FGD4: variants seen among roughly 807,000 people sequenced by gnomAD.
FGD4 encodes FYVE, RhoGEF and PH domain-containing protein 4.
Under a neutral mutation model 102.0 loss-of-function variants are expected in FGD4, and 42 were observed. The ratio of observed to expected loss-of-function variants is 0.41; its 90% CI spans 0.32 to 0.53. FGD4 has a LOEUF of 0.53. Among genes scored for constraint, FGD4 ranks in the 20% least tolerant of loss-of-function variants. FGD4 has a pLI of 0.21. For synonymous variants in FGD4, 380 were observed against 375.7 expected (o/e 1.01, Z -0.13); for missense variants, 902 against 1,078.2 (o/e 0.84, Z 2.29).
intron 1 of FGD4, among the ~76,000 whole-genome samples, chr12:32,439,339 C>T (rs1052941332): frequency 2.0e-5 from 3 of 152,148 alleles, no homozygotes; most frequent in African/African-American, 7.2e-5. Flanking sequence ...TGTATCTATG[C>T]CACATTTTCT....
intron 11 of FGD4, 57 bp from the exon 12 acceptor site, chr12:32,624,365 C>A: frequency 7.5e-7 from 1 of 1,332,734 alleles, no homozygotes; most frequent in Non-Finnish European, 1.1e-6. Context: ...TAGTTTTATT[C>A]ACCCAGTGTG....
intron 10 of FGD4, 85 bp from the exon 11 acceptor site, chr12:32,619,613 C>T: frequency 6.8e-7 from 1 of 1,469,832 alleles, no homozygotes; most frequent in Non-Finnish European, 9.5e-7. Context: ...GCCTGGGCAA[C>T]AGAGTGAGAC....
intron 10 of FGD4, among the ~76,000 whole-genome samples, chr12:32,612,029 G>A (rs1400221329): frequency 2.0e-5 from 3 of 152,240 alleles, no homozygotes; most frequent in South Asian, 4.1e-4. Flanking sequence ...GTTGCAAACC[G>A]GCAGGGTGTG....
Position 32,564,200 on chromosome 12 carries a change from T to C in FGD4, c.230T>C (p.Leu77Pro), listed in dbSNP as rs1944992963. 6.5e-7 allele frequency: 1 copy of C among 1,536,028 alleles called. No homozygotes were observed. Among genetic ancestry groups the C allele is most frequent in the Admixed American group, 2.0e-5 (1 of 50,972 alleles). The change falls in exon 2 of 17, where the codon CTG (leucine) becomes CCG (proline). Residue 77 changes from leucine to proline, a missense_variant. Leu to Pro is a moderately conservative substitution (Grantham distance 98). Coordinates refer to ENST00000534526, the MANE Select transcript of FGD4 (RefSeq NM_001370298.3). The stretch of plus-strand genomic sequence containing the variant: ...TGCTCCACAAGCAGCACAACCACAC[T>C]GGTTGGTGAGAATGTATCTGAAGAA... ...PPCSTSSTTTLVGENVSEEEA... is the reference protein window; with the variant it reads ...PPCSTSSTTTPVGENVSEEEA...
intron 1 of FGD4, among the ~76,000 whole-genome samples, chr12:32,430,702 A>G (rs186229995): frequency 7.9e-4 from 120 of 152,288 alleles, no homozygotes; most frequent in Non-Finnish European, 9.4e-4. Flanking sequence ...TTTTTCTAAG[A>G]GAATTAGGTA....
chr12:32,549,102 G>C (rs1219297920), intron 1 of FGD4, among the ~76,000 whole-genome samples: 2 of 152,246 alleles, frequency 1.3e-5, no homozygotes, highest in Non-Finnish European at 2.9e-5. Flanking sequence ...CAAACACTGA[G>C]TTCAGAGTTA....
intron 4 of FGD4, among the ~76,000 whole-genome samples, chr12:32,585,834 CAAAAAAAAAAAAAA>C (rs58688697): frequency 1.3e-4 from 9 of 68,802 alleles, no homozygotes; most frequent in Non-Finnish European, 1.6e-4. Context: ...GACCTTGTCT[CAAAAAAAAAAAAAA>C]AAAAAAAAAA....
intron 1 of FGD4, among the ~76,000 whole-genome samples, chr12:32,431,688 A>T (rs1591887361): frequency 6.6e-6 from 1 of 151,890 alleles, no homozygotes; most frequent in East Asian, 1.9e-4. Context: ...CGGGTAGATC[A>T]CTTGAGCCTG....
At position 32,582,049 on chromosome 12, in the gene FGD4, C is replaced by T. The variant is rs1390487641; in HGVS notation, c.593C>T (p.Thr198Ile). ...CCAGGAAGGCATGGATTGACAACCACACCTCAACAAAAACTCCTCTCCCAG... is the reference window on the plus strand; with the variant it reads ...CCAGGAAGGCATGGATTGACAACCATACCTCAACAAAAACTCCTCTCCCAG... Reference protein sequence around the residue: ...RTPGRHGLTTTPQQKLLSQHL... With the variant: ...RTPGRHGLTTIPQQKLLSQHL... Residue 198 changes from threonine to isoleucine, a missense_variant, in exon 4 of 17, where the codon ACA (threonine) becomes ATA (isoleucine). Coordinates refer to ENST00000534526, the MANE Select transcript of FGD4 (RefSeq NM_001370298.3). 7.4e-6 allele frequency: 12 copies of T among 1,614,076 alleles called. No individual in the cohort carries two copies. The highest frequency in any genetic ancestry group is 2.2e-5 in the East Asian group (1 of 44,896).
In FGD4 at chr12:32,399,711, GCATGC is replaced by G; in HGVS notation, c.-82_-78del. 5 of 1,489,650 alleles carry G rather than the reference GCATGC, an allele frequency of 3.4e-6. No individual in the cohort carries two copies. The Admixed American group carries it at 1.1e-4, about 33-fold the overall frequency. 92.3% of individuals were successfully genotyped at this position (1,489,650 alleles called of 1,614,324 possible). On this transcript the variant is annotated 5_prime_UTR_variant, in exon 1 of 17. An upstream start codon of the reference 5' UTR is lost. Coordinates refer to ENST00000534526, the MANE Select transcript of FGD4 (RefSeq NM_001370298.3). The stretch of plus-strand genomic sequence containing the variant: ...GCCCCCGGAGTCGCGCCGAACCTGG[GCATGC>G]AGGCGACGCCCCCCAGGGGCCGCTC...
At chr12:32,479,991 A>G (rs1171801079) in intron 1 of FGD4, among the ~76,000 whole-genome samples, 1 of 151,354 alleles carries the variant, frequency 6.6e-6, no homozygotes, top group Non-Finnish European at 1.5e-5. Context: ...GGGTCCTTCC[A>G]TGTTGCTCAG....
rs1459339879 is a variant in FGD4, at chr12:32,601,273, T to A, written c.1102-5T>A. 26 of 1,613,574 alleles carry A rather than the reference T, an allele frequency of 1.6e-5. No individual in the cohort carries two copies. Among genetic ancestry groups the A allele is most frequent in the Non-Finnish European group, 2.2e-5 (26 of 1,179,738 alleles). On this transcript the variant is annotated splice_region_variant and splice_polypyrimidine_tract_variant and intron_variant, in intron 5 of 16. Transcript: ENST00000534526. ...AAGTAATGCTTACATTATTCTTTTA[T>A]TCAGGTATTTTATTGCAAACTGTTG... is the stretch of plus-strand genomic sequence containing the variant.
intron 1 of FGD4, among the ~76,000 whole-genome samples, chr12:32,509,241 C>CTTTT (rs35053299): frequency 1.9e-4 from 25 of 132,658 alleles, no homozygotes; most frequent in Admixed American, 9.2e-4. Context: ...CTTTTATTCT[C>CTTTT]TTTTTTTTTT....
chr12:32,596,709 G>T (rs1231499453), intron 4 of FGD4, among the ~76,000 whole-genome samples: 1 of 151,990 alleles, frequency 6.6e-6, no homozygotes, highest in Non-Finnish European at 1.5e-5. Context: ...GCTGAGGCGG[G>T]CGGATCACCT....
At chr12:32,427,522 T>A (rs1941884393) in intron 1 of FGD4, among the ~76,000 whole-genome samples, 1 of 152,190 alleles carries the variant, frequency 6.6e-6, no homozygotes, top group Admixed American at 6.5e-5. Flanking sequence ...GATGTGGTGC[T>A]GAGAAGAATG....
In FGD4 at chr12:32,399,907, G is replaced by A. The variant is rs1421986183; in HGVS notation, c.114G>A (p.Leu38=). The A allele has an allele frequency of 2.0e-6, 3 of 1,521,814 alleles. No individual in the cohort carries two copies. The highest frequency in any genetic ancestry group is 1.2e-5 in the South Asian group (1 of 83,294). The allele number at this position is 1,521,814 out of a possible 1,614,324, so 94.3% of individuals were successfully genotyped here. Residue 38 remains leucine, a synonymous_variant, in exon 1 of 17, where the codon CTG becomes CTA. Transcript: ENST00000534526. ...CCTGGAGCAGGCCCGCGTCGCACCT[G>A]GGACGTGTAGGGACCGCTGCCTTCA... ...PRPWSRPASH[L]GRVGTAAFKG...
At chr12:32,474,733 A>G (rs1468942991) in intron 1 of FGD4, among the ~76,000 whole-genome samples, 4 of 152,000 alleles carry the variant, frequency 2.6e-5, no homozygotes, top group African/African-American at 7.3e-5. Flanking sequence ...AACATGGCGA[A>G]ATTTCTACAA....
At chr12:32,593,068 GTTAC>G (rs1343433401) in intron 4 of FGD4, among the ~76,000 whole-genome samples, 1 of 152,156 alleles carries the variant, frequency 6.6e-6, no homozygotes, top group Non-Finnish European at 1.5e-5. Context: ...ATATGATACA[GTTAC>G]TTTCTAACTC....
At chr12:32,606,048 T>C (rs949504574) in intron 7 of FGD4, among the ~76,000 whole-genome samples, 4 of 152,236 alleles carry the variant, frequency 2.6e-5, no homozygotes, top group East Asian at 1.9e-4. Flanking sequence ...CTGCTGCTTA[T>C]AGTCACTTGA....
Sources: allele counts gnomAD v4.1 joint callset (sites outside exome capture counted in the v4.1 genomes callset), GRCh38; gene constraint gnomAD v4.1.1; transcripts MANE v1.5; gene names NCBI Gene and HGNC (gene_info 2026-07-23, HGNC 2026-07-21).